PLD5: variants seen among roughly 807,000 people sequenced by gnomAD.
PLD5 encodes inactive phospholipase D5.
In PLD5, 36 loss-of-function variants were observed where a neutral mutation model predicts 61.1. That is an observed-to-expected ratio of 0.59 (90% CI 0.45 to 0.78). The LOEUF (loss-of-function observed/expected upper bound fraction) is 0.78. Ranked by LOEUF, PLD5 falls within the 30% of genes least tolerant of loss-of-function variation. The pLI is 0.00. For missense variants in PLD5, 515 were observed against 644.4 expected (o/e 0.80, Z 2.17); for synonymous variants, 243 against 242.8 (o/e 1.00, Z -0.01).
chr1:242,462,395 A>G (rs1667145605), intron 1 of PLD5, among the ~76,000 whole-genome samples: 1 of 152,140 alleles, frequency 6.6e-6, no homozygotes, highest in African/African-American at 2.4e-5. Context: ...ACAGAAAACC[A>G]CTTCTAAGTG....
intron 5 of PLD5, among the ~76,000 whole-genome samples, chr1:242,218,966 T>A (rs1371324248): frequency 6.6e-6 from 1 of 152,236 alleles, no homozygotes; most frequent in East Asian, 1.9e-4. Flanking sequence ...CTGTTATTGT[T>A]GTTAATTATT....
chr1:242,496,163 A>T (rs1467598137), intron 1 of PLD5, among the ~76,000 whole-genome samples: 1 of 135,932 alleles, frequency 7.4e-6, no homozygotes, highest in Non-Finnish European at 1.6e-5. Flanking sequence ...CAACCAGAAA[A>T]TGTTTGCAAT....
In PLD5 at chr1:242,369,349, T is replaced by C. The variant is rs140464385; in HGVS notation, c.190-21107A>G. Among the ~76,000 whole-genome samples, 969 of 152,306 alleles carry C rather than the reference T, an allele frequency of 6.4e-3. 5 individuals are homozygous for C. The highest frequency in any genetic ancestry group is 0.022 in the African/African-American group (915 of 41,568). ...GCAGTTTTTATCAGAATTTTAAATG[T>C]ACATATTTTGACTCAGAAATTCTAC... On this transcript the variant is annotated intron_variant, in intron 1 of 9. Coordinates refer to ENST00000536534, the MANE Select transcript of PLD5 (RefSeq NM_001372062.1).
At chr1:242,407,561 GTTTTTTT>G (rs58679212) in intron 1 of PLD5, among the ~76,000 whole-genome samples, 1 of 130,324 alleles carries the variant, frequency 7.7e-6, no homozygotes, top group South Asian at 2.4e-4. Flanking sequence ...TGGTTGTTTT[GTTTTTTT>G]TTTTTTTTTT....
chr1:242,367,607 G>A (rs532653889), intron 1 of PLD5, among the ~76,000 whole-genome samples: 8 of 152,258 alleles, frequency 5.3e-5, no homozygotes, highest in Admixed American at 3.3e-4. Context: ...ACCTGGAGAC[G>A]AACCCCTATG....
intron 1 of PLD5, among the ~76,000 whole-genome samples, chr1:242,435,698 G>T (rs4339844): frequency 0.26 from 40,136 of 152,028 alleles, 6,681 homozygotes; most frequent in African/African-American, 0.47. Flanking sequence ...GCCTAGCCTT[G>T]TATTTCCTAA....
chr1:242,437,227 C>T (rs564348106), intron 1 of PLD5, among the ~76,000 whole-genome samples: 4 of 152,248 alleles, frequency 2.6e-5, no homozygotes, highest in Admixed American at 6.5e-5. Context: ...ACATTTAAAT[C>T]GAAAGTAACT....
intron 1 of PLD5, among the ~76,000 whole-genome samples, chr1:242,376,298 A>G (rs1318741191): frequency 6.6e-6 from 1 of 152,174 alleles, no homozygotes; most frequent in African/African-American, 2.4e-5. Flanking sequence ...AGCAACCTGC[A>G]AGACTGCTTT....
intron 4 of PLD5, among the ~76,000 whole-genome samples, chr1:242,241,389 A>AC (rs1323855806): frequency 1.3e-5 from 2 of 152,184 alleles, no homozygotes; most frequent in Non-Finnish European, 2.9e-5. Context: ...CAATTCAAAT[A>AC]CCTAAAAATT....
intron 5 of PLD5, among the ~76,000 whole-genome samples, chr1:242,154,244 G>A (rs1365608317): frequency 6.6e-6 from 1 of 152,150 alleles, no homozygotes; most frequent in Admixed American, 6.5e-5. Context: ...GAGATTTTGG[G>A]CTGAGAAGAT....
chr1:242,254,902 A>G (rs1387901185), intron 4 of PLD5, among the ~76,000 whole-genome samples: 1 of 152,362 alleles, frequency 6.6e-6, no homozygotes, highest in South Asian at 2.1e-4. Context: ...TTGGTGTGCT[A>G]TGAAGAAAGG....
intron 1 of PLD5, among the ~76,000 whole-genome samples, chr1:242,458,591 T>C (rs1667015901): frequency 6.6e-6 from 1 of 152,302 alleles, no homozygotes; most frequent in East Asian, 1.9e-4. Flanking sequence ...TATAAGTAAA[T>C]CCACCTTGTC....
chr1:242,157,956 A>G (rs992066846), intron 5 of PLD5, among the ~76,000 whole-genome samples: 6 of 152,098 alleles, frequency 3.9e-5, no homozygotes, highest in Non-Finnish European at 5.9e-5. Flanking sequence ...GGGGAGTTTT[A>G]TCTATAAGTT....
chr1:242,213,336 T>C (rs71648694), intron 5 of PLD5, among the ~76,000 whole-genome samples: 14,487 of 152,216 alleles, frequency 0.095, 850 homozygotes, highest in South Asian at 0.23. Flanking sequence ...GAAAAGAATT[T>C]CCTGATTGTA....
intron 6 of PLD5, among the ~76,000 whole-genome samples, chr1:242,115,126 C>T (rs1300749130): frequency 6.6e-6 from 1 of 151,424 alleles, no homozygotes; most frequent in African/African-American, 2.4e-5. Context: ...TGCAGTGAGC[C>T]GAGATTGCAT....
Position 242,089,809 on chromosome 1 carries a change from T to C in PLD5, c.*45A>G, listed in dbSNP as rs757765776. 4.4e-6 allele frequency: 7 copies of C among 1,607,636 alleles called. No homozygotes were observed. The highest frequency in any genetic ancestry group is 5.1e-6 in the Non-Finnish European group (6 of 1,174,886). On this transcript the variant is annotated 3_prime_UTR_variant, in exon 10 of 10. Transcript: ENST00000536534. Reference sequence around the variant, plus strand: ...TTTTTCTCTCCTCAAGTCCTTTATGTATAAATATGAAATACAGAGCTGTCC... The same window carrying C: ...TTTTTCTCTCCTCAAGTCCTTTATGCATAAATATGAAATACAGAGCTGTCC...
intron 5 of PLD5, among the ~76,000 whole-genome samples, chr1:242,143,370 A>T (rs956243148): frequency 1.3e-5 from 2 of 152,132 alleles, no homozygotes; most frequent in Non-Finnish European, 2.9e-5. Flanking sequence ...TGTGTTTCTA[A>T]GGAGAGAGTC....
At chr1:242,149,415 T>C (rs185771952) in intron 5 of PLD5, among the ~76,000 whole-genome samples, 1 of 151,966 alleles carries the variant, frequency 6.6e-6, no homozygotes. Flanking sequence ...CATCCATGTT[T>C]ATGACAGATA....
At chr1:242,377,176 G>A (rs565372403) in intron 1 of PLD5, 17 of 1,611,646 alleles carry the variant, frequency 1.1e-5, no homozygotes, top group Non-Finnish European at 1.4e-5. Context: ...TGTCTGGAGA[G>A]AGAGACGTGA....
Sources: allele counts gnomAD v4.1 joint callset (sites outside exome capture counted in the v4.1 genomes callset), GRCh38; gene constraint gnomAD v4.1.1; transcripts MANE v1.5; gene names NCBI Gene and HGNC (gene_info 2026-07-23, HGNC 2026-07-21).